LTBP2: variants seen among roughly 807,000 people sequenced by gnomAD.
The protein encoded by LTBP2 is latent transforming growth factor beta binding protein 2.
LTBP2 carries 103 observed loss-of-function variants against 210.6 expected under a neutral mutation model. That is an observed-to-expected ratio of 0.49 (90% confidence interval 0.42 to 0.58). The LOEUF is 0.58. Ranked by LOEUF, LTBP2 falls within the 20% of genes least tolerant of loss-of-function variation. LTBP2 has a pLI of 0.00. For synonymous variants in LTBP2, 1,007 were observed against 1,015.0 expected, an observed-to-expected ratio of 0.99 and a Z score of 0.15; for missense variants, 2,313 against 2,494.5, an observed-to-expected ratio of 0.93 and a Z score of 1.55.
intron 1 of LTBP2, among the ~76,000 whole-genome samples, chr14:74,609,615 C>T (rs1247970130): frequency 1.3e-5 from 2 of 152,108 alleles, no homozygotes; most frequent in East Asian, 3.8e-4. Flanking sequence ...TGCACACCAC[C>T]CTCACCTCCA....
Position 74,603,619 on chromosome 14 carries a change from T to C in LTBP2, c.565+16A>G, listed in dbSNP as rs775494595. 3 of 1,613,610 alleles carry C rather than the reference T, an allele frequency of 1.9e-6. No individual in the cohort carries two copies. In the South Asian group the frequency reaches 3.3e-5, roughly 18 times the overall value. On this transcript the variant is annotated intron_variant, in intron 2 of 35. Coordinates refer to ENST00000261978, the MANE Select transcript of LTBP2 (RefSeq NM_000428.3). ...TTTGATAGAGCGGAGTGTCTGCTAC[T>C]GGTGGAGGCACTCACGTTTGATACA...
Position 74,508,647 on chromosome 14 carries a change from G to T in LTBP2, c.3609C>A (p.Cys1203Ter). 1 of 1,612,586 alleles carries T rather than the reference G, an allele frequency of 6.2e-7. No homozygotes were observed. Among genetic ancestry groups the T allele is most frequent in the Non-Finnish European group, 8.5e-7 (1 of 1,179,972 alleles). ...CCTCTGCGCTGACGAAGCCAGGCGCGCACAGACAGAAGAAAGACCCGTGGC... is the reference window on the plus strand; with the variant it reads ...CCTCTGCGCTGACGAAGCCAGGCGCTCACAGACAGAAGAAAGACCCGTGGC... ...LNSHGSFFCL[C>*]APGFVSAEGG... is the part of the protein sequence containing the mutation. The change falls in exon 24 of 36, where the codon TGC (cysteine) becomes TGA (stop). Residue 1203 changes from cysteine to a stop codon, truncating the protein, a stop_gained. Coordinates refer to ENST00000261978, the MANE Select transcript of LTBP2 (RefSeq NM_000428.3). LOFTEE classifies it high-confidence loss of function.
At chr14:74,554,881 G>C (rs1168119871) in intron 4 of LTBP2, among the ~76,000 whole-genome samples, 2 of 152,094 alleles carry the variant, frequency 1.3e-5, no homozygotes, top group Non-Finnish European at 2.9e-5. Context: ...ATGTAAACAG[G>C]GTAGTGGTGG....
At position 74,510,159 on chromosome 14, in the gene LTBP2, AG is replaced by A; in HGVS notation, c.3082del (p.Leu1028Ter). 1 of 1,614,084 alleles carries A rather than the reference AG, an allele frequency of 6.2e-7. No homozygotes were observed. The highest frequency in any genetic ancestry group is 8.5e-7 in the Non-Finnish European group (1 of 1,180,010). Reference sequence around the variant, plus strand: ...ACAAGAGCATCTGAAGGAGCCTTCTAGGTTGGTGCACTTTCCATGGGCACAG... The same window carrying A: ...ACAAGAGCATCTGAAGGAGCCTTCTAGTTGGTGCACTTTCCATGGGCACAG... ...GVCAHGKCTN[L>X]EGSFRCSCEQ... is the part of the protein sequence containing the mutation. On this transcript the variant is annotated frameshift_variant, in exon 20 of 36. Coordinates refer to ENST00000261978, the MANE Select transcript of LTBP2 (RefSeq NM_000428.3). LOFTEE classifies it high-confidence loss of function.
At chr14:74,594,333 T>C (rs57784746) in intron 2 of LTBP2, among the ~76,000 whole-genome samples, 25,255 of 152,096 alleles carry the variant, frequency 0.17, 3,452 homozygotes, top group African/African-American at 0.37. Flanking sequence ...GTGGGCCCCT[T>C]TAGCCTCTCC....
Position 74,503,934 on chromosome 14 carries a change from T to A in LTBP2, c.4574A>T (p.Lys1525Met), listed in dbSNP as rs1354058518. The A allele has an allele frequency of 1.2e-6, 2 of 1,614,098 alleles. No homozygotes were observed. Among genetic ancestry groups the A allele is most frequent in the African/African-American group, 2.7e-5 (2 of 75,062 alleles). Reference protein sequence around the residue: ...PGFHYDASHKKCEDHDECQDL... With the variant: ...PGFHYDASHKMCEDHDECQDL... ...ATCATGTGTGTCCTTACCCTCACAC[T>A]TCTTGTGGGAAGCATCGTAGTGGAA... Residue 1525 changes from lysine (K) to methionine (M), a missense_variant, in exon 31 of 36, where the codon AAG becomes ATG. By Grantham distance (95) the Lys-to-Met change is moderately conservative. Coordinates refer to ENST00000261978, the MANE Select transcript of LTBP2 (RefSeq NM_000428.3).
chr14:74,609,662 A>G (rs1237626787), intron 1 of LTBP2, among the ~76,000 whole-genome samples: 1 of 151,660 alleles, frequency 6.6e-6, no homozygotes, highest in Non-Finnish European at 1.5e-5. Context: ...GCTTCCCCAC[A>G]TGCTGCCCAC....
intron 2 of LTBP2, among the ~76,000 whole-genome samples, chr14:74,597,498 G>A (rs543655315): frequency 6.6e-6 from 1 of 152,300 alleles, no homozygotes; most frequent in Admixed American, 6.5e-5. Context: ...TTGATAAACA[G>A]GTCCCAAGCA....
intron 5 of LTBP2, 154 bp from the exon 6 acceptor site, chr14:74,552,547 A>G (rs2087675141): frequency 1.3e-6 from 1 of 748,774 alleles, no homozygotes; most frequent in Non-Finnish European, 2.3e-6. Context: ...TTTCCACTTC[A>G]TTCATGTAGA....
chr14:74,515,191 A>G (rs1177029320), intron 18 of LTBP2, among the ~76,000 whole-genome samples: 1 of 152,068 alleles, frequency 6.6e-6, no homozygotes, highest in Non-Finnish European at 1.5e-5. Context: ...TCAAAAGCCA[A>G]ACCCAAGCCT....
At chr14:74,600,817 A>G in intron 2 of LTBP2, among the ~76,000 whole-genome samples, 1 of 152,164 alleles carries the variant, frequency 6.6e-6, no homozygotes, top group East Asian at 1.9e-4. Context: ...TGAGTCCTGG[A>G]AGGCCCTGCT....
intron 17 of LTBP2, among the ~76,000 whole-genome samples, chr14:74,519,621 G>T (rs1033362767): frequency 6.6e-6 from 1 of 152,060 alleles, no homozygotes; most frequent in Non-Finnish European, 1.5e-5. Flanking sequence ...CAGAAAGTGG[G>T]TGTTATTCTG....
intron 19 of LTBP2, among the ~76,000 whole-genome samples, chr14:74,510,558 C>A (rs1447233387): frequency 6.6e-6 from 1 of 152,214 alleles, no homozygotes; most frequent in Non-Finnish European, 1.5e-5. Context: ...TGCCAGGAAC[C>A]CTACATGACC....
intron 1 of LTBP2, among the ~76,000 whole-genome samples, chr14:74,605,688 G>A (rs746486126): frequency 2.0e-5 from 3 of 152,214 alleles, no homozygotes; most frequent in Admixed American, 6.5e-5. Flanking sequence ...CTGGCTGGGA[G>A]GTCATGGCAT....
chr14:74,552,858 A>T (rs1362146788), intron 5 of LTBP2, 34 bp downstream of exon 5: 2 of 1,600,368 alleles, frequency 1.2e-6, no homozygotes, highest in East Asian at 4.5e-5. Context: ...CTCCAGGGCC[A>T]GCTGGGAACC....
At chr14:74,549,423 C>T (rs2087619517) in intron 8 of LTBP2, among the ~76,000 whole-genome samples, 3 of 152,212 alleles carry the variant, frequency 2.0e-5, no homozygotes, top group Admixed American at 6.5e-5. Context: ...CTAGGACAGA[C>T]ATTCAACCCT....
intron 3 of LTBP2, among the ~76,000 whole-genome samples, chr14:74,561,161 T>A (rs2087788633): frequency 6.6e-6 from 1 of 152,018 alleles, no homozygotes; most frequent in Non-Finnish European, 1.5e-5. Context: ...CTACTAAAAA[T>A]ACAAAAATTA....
chr14:74,506,257 C>A, intron 27 of LTBP2, 66 bp from the exon 28 acceptor site: 1 of 1,605,440 alleles, frequency 6.2e-7, no homozygotes, highest in Admixed American at 1.7e-5. Flanking sequence ...CCCCTGACTA[C>A]AGCCCACTGC....
chr14:74,598,104 A>G (rs555082118), intron 2 of LTBP2, among the ~76,000 whole-genome samples: 1 of 152,334 alleles, frequency 6.6e-6, no homozygotes, highest in South Asian at 2.1e-4. Context: ...CAAGATCACC[A>G]TGCTAGTAAG....
Sources: allele counts gnomAD v4.1 joint callset (sites outside exome capture counted in the v4.1 genomes callset), GRCh38; gene constraint gnomAD v4.1.1; transcripts MANE v1.5; gene names NCBI Gene and HGNC (gene_info 2026-07-23, HGNC 2026-07-21).